The following MYCN variants were observed in gnomAD, a reference collection of about 807,000 sequenced individuals.
The protein encoded by MYCN is N-myc proto-oncogene protein.
A neutral mutation model predicts 28.1 loss-of-function variants in MYCN; 3 were observed. The ratio of observed to expected loss-of-function variants is 0.11; its 90% CI spans 0.05 to 0.28. The LOEUF is 0.28. Among genes scored for constraint, MYCN ranks in the 10% least tolerant of loss-of-function variants. The pLI, the probability that MYCN is intolerant of heterozygous loss-of-function variation, is 1.00. For synonymous variants in MYCN, 326 were observed against 288.3 expected (o/e 1.13, Z -1.32); for missense variants, 572 against 651.4 (o/e 0.88, Z 1.33).
In MYCN at chr2:15,945,265, G is replaced by A. The variant is rs1178189493; in HGVS notation, c.791-228G>A. Reference sequence around the variant, plus strand: ...TCTGCCCGCCTCCGCTTCCCAAAGTGCTGGGATTACAGGTGTGAGTCACCG... The same window carrying A: ...TCTGCCCGCCTCCGCTTCCCAAAGTACTGGGATTACAGGTGTGAGTCACCG... On this transcript the variant is annotated intron_variant, in intron 2 of 2. Transcript: ENST00000281043. This position sits in a 1 kb window ranked among gnomAD's most constrained non-coding sequence, Gnocchi z 4.8. Among the ~76,000 whole-genome samples the A allele has an allele frequency of 6.6e-6, 1 of 152,050 alleles. No homozygotes were observed. The highest frequency in any genetic ancestry group is 6.5e-5 in the Admixed American group (1 of 15,268).
rs574443701 is a variant in MYCN at position 15,945,443 on chromosome 2, A to G, written c.791-50A>G. The G allele has an allele frequency of 6.4e-7, 1 of 1,554,276 alleles. No homozygotes were observed. Among genetic ancestry groups the G allele is most frequent in the Non-Finnish European group, 8.7e-7 (1 of 1,147,818 alleles). On this transcript the variant is annotated intron_variant, in intron 2 of 2. Transcript: ENST00000281043. This position sits in a 1 kb window ranked among gnomAD's most constrained non-coding sequence, Gnocchi z 4.8. ...CATATTAACATGGATATATATGTGA[A>G]TTTCATTCAAATGGTTCTCACATGA...
intron 2 of MYCN, among the ~76,000 whole-genome samples, chr2:15,943,483 T>TGGCCAGCAGGCGGCGATATGCGA (rs998630055): frequency 6.7e-6 from 1 of 150,044 alleles, no homozygotes; most frequent in Non-Finnish European, 1.5e-5. Flanking sequence ...TCCTGGTGCG[T>TGGCCAGCAGGCGGCGATATGCGA]GGCCAGCAGG....
intron 1 of MYCN, chr2:15,940,974 C>T (rs1013398467): frequency 4.4e-5 from 17 of 390,152 alleles, no homozygotes; most frequent in Admixed American, 4.0e-4. Flanking sequence ...CAGCCCTTAC[C>T]GGGGGGAGTA....
intron 2 of MYCN, among the ~76,000 whole-genome samples, 195 bp downstream of exon 2, chr2:15,943,049 GC>G (rs1478656993): frequency 6.6e-6 from 1 of 152,212 alleles, no homozygotes; most frequent in East Asian, 1.9e-4. Context: ...CAAAAGGGGT[GC>G]TCTCCAATTC....
At chr2:15,943,287 G>T (rs1220504769) in intron 2 of MYCN, among the ~76,000 whole-genome samples, 3 of 152,208 alleles carry the variant, frequency 2.0e-5, no homozygotes, top group Non-Finnish European at 2.9e-5. Context: ...CAGGTCAGGG[G>T]AGGGAAAGAC....
chr2:15,943,895 A>T (rs1412262382), intron 2 of MYCN, among the ~76,000 whole-genome samples: 1 of 152,130 alleles, frequency 6.6e-6, no homozygotes, highest in East Asian at 1.9e-4. Flanking sequence ...AAAGAGTGGC[A>T]TTGCCTTGTC....
Position 15,942,737 on chromosome 2 carries a change from A to G in MYCN, c.673A>G (p.Ile225Val), listed in dbSNP as rs1398865274. The G allele has an allele frequency of 1.5e-6, 2 of 1,323,474 alleles. No homozygotes were observed. The highest frequency in any genetic ancestry group is 1.5e-5 in the African/African-American group (1 of 65,476). The allele number at this position is 1,323,474 out of a possible 1,614,324, so 82.0% of individuals were successfully genotyped here. The change falls in exon 2 of 3, where the codon ATT becomes GTT. Residue 225 changes from isoleucine to valine, a missense_variant. Coordinates refer to ENST00000281043, the MANE Select transcript of MYCN (RefSeq NM_005378.6). The surrounding 1 kb of genome is among the most constrained non-coding windows in gnomAD (Gnocchi z 7.0). The stretch of plus-strand genomic sequence containing the variant: ...CCCTGCGGTCGCCTCGGGGGCGGGT[A>G]TTGCCGCCCCAGCCGGGGCCCCGGG... ...AGPAVASGAGIAAPAGAPGVA... is the reference protein window; with the variant it reads ...AGPAVASGAGVAAPAGAPGVA...
chr2:15,943,938 T>C (rs987318398), intron 2 of MYCN, among the ~76,000 whole-genome samples: 19 of 152,166 alleles, frequency 1.2e-4, no homozygotes, highest in Admixed American at 6.5e-5. Flanking sequence ...CCCCTTGGAC[T>C]TTGAAAACCA....
chr2:15,945,622 C>T lies in MYCN; in HGVS notation c.920C>T (p.Ala307Val), dbSNP rs778923558. ...FTITVRPKNA[A>V]LGPGRAQSSE... The stretch of plus-strand genomic sequence containing the variant: ...ATCACTGTGCGTCCCAAGAACGCAG[C>T]CCTGGGTCCCGGGAGGGCTCAGTCC... The change falls in exon 3 of 3, where the codon GCC becomes GTC. Residue 307 changes from alanine to valine, a missense_variant. Transcript: ENST00000281043. This position sits in a 1 kb window ranked among gnomAD's most constrained non-coding sequence, Gnocchi z 4.8. 24 of 1,614,170 alleles carry T rather than the reference C, an allele frequency of 1.5e-5. No homozygotes were observed. In the South Asian group the frequency reaches 2.5e-4, roughly 17 times the overall value.
In MYCN at chr2:15,940,703, C is replaced by A; in HGVS notation, c.-158C>A. ...GCCCCCCCGGCCCACCCGGAGACAC[C>A]CGCGCAGAATCGCCTCCGGATCCCC... is the stretch of plus-strand genomic sequence containing the variant. On this transcript the variant is annotated 5_prime_UTR_variant, in exon 1 of 3. Coordinates refer to ENST00000281043, the MANE Select transcript of MYCN (RefSeq NM_005378.6). 2.5e-6 allele frequency: 1 copy of A among 399,650 alleles called. No individual in the cohort carries two copies. The highest frequency in any genetic ancestry group is 3.6e-5 in the East Asian group (1 of 28,010). 24.8% of individuals were successfully genotyped at this position (399,650 alleles called of 1,614,324 possible).
At chr2:15,944,824 C>CA (rs1415669244) in intron 2 of MYCN, among the ~76,000 whole-genome samples, 1 of 152,140 alleles carries the variant, frequency 6.6e-6, no homozygotes, top group African/African-American at 2.4e-5. Flanking sequence ...CAGGGTCATG[C>CA]AACTAGTCTG....
In MYCN at chr2:15,942,843, T is replaced by C; in HGVS notation, c.779T>C (p.Leu260Pro). The C allele has an allele frequency of 6.3e-7, 1 of 1,583,904 alleles. No individual in the cohort carries two copies. The highest frequency in any genetic ancestry group is 8.5e-7 in the Non-Finnish European group (1 of 1,172,048). Residue 260 changes from leucine (L) to proline (P), a missense_variant, in exon 2 of 3, where the codon CTG becomes CCG. Physicochemically the swap from Leu to Pro is moderately conservative, Grantham distance 98. Around this residue, in one of 3 missense-constraint regions of MYCN, gnomAD observed 499 missense variants for 524.3 expected, o/e 0.95. Transcript: ENST00000281043. The surrounding 1 kb of genome is among the most constrained non-coding windows in gnomAD (Gnocchi z 7.0). ...CTCAGTACCTCCGGAGAGGACACCCTGAGCGATTCAGGTAAAGACCGAACT... is the reference window on the plus strand; with the variant it reads ...CTCAGTACCTCCGGAGAGGACACCCCGAGCGATTCAGGTAAAGACCGAACT... ...KALSTSGEDT[L>P]SDSDDEDDEE...
In MYCN at chr2:15,946,094, C is replaced by T. The variant is rs751904867; in HGVS notation, c.1392C>T (p.Cys464=). 1.2e-6 allele frequency: 2 copies of T among 1,614,022 alleles called. No homozygotes were observed. Among genetic ancestry groups the T allele is most frequent in the African/African-American group, 2.7e-5 (2 of 74,938 alleles). Residue 464 remains cysteine (C), a synonymous_variant, in exon 3 of 3, where the codon TGC becomes TGT. Transcript: ENST00000281043. The part of the protein sequence containing the change: ...LLKKIEHART[C] ...AGAAAATTGAACACGCTCGGACTTG[C>T]TAGACGCTTCTCAAAACTGGACAGT...
chr2:15,945,818 CCGAAA>C lies in MYCN; in HGVS notation c.1118_1122del (p.Arg373LeufsTer2). 6.2e-7 allele frequency: 1 copy of C among 1,614,054 alleles called. No individual in the cohort carries two copies. Among genetic ancestry groups the C allele is most frequent in the Non-Finnish European group, 8.5e-7 (1 of 1,180,048 alleles). Reference sequence around the variant, plus strand: ...CCCCAAAGGCTAAGAGCTTGAGCCCCCGAAACTCTGACTCGGAGGACAGTGAGCGT... The same window carrying C: ...CCCCAAAGGCTAAGAGCTTGAGCCCCCTCTGACTCGGAGGACAGTGAGCGT... On this transcript the variant is annotated frameshift_variant, in exon 3 of 3. Transcript: ENST00000281043. LOFTEE classifies it high-confidence loss of function. The surrounding 1 kb of genome is among the most constrained non-coding windows in gnomAD (Gnocchi z 4.8).
rs559222525 is a variant in MYCN, at chr2:15,946,221, C to G, written c.*124C>G. The G allele has an allele frequency of 7.7e-5, 108 of 1,410,904 alleles. No individual in the cohort carries two copies. In the African/African-American group the frequency reaches 1.4e-3, roughly 18 times the overall value. The allele number at this position is 1,410,904 out of a possible 1,614,324, so 87.4% of individuals were successfully genotyped here. ...AATCGGTCCCCTGTCGAGTTCGGCT[C>G]TGGGTGGGCAGTAGGACCACCAGTG... is the stretch of plus-strand genomic sequence containing the variant. On this transcript the variant is annotated 3_prime_UTR_variant, in exon 3 of 3. Coordinates refer to ENST00000281043, the MANE Select transcript of MYCN (RefSeq NM_005378.6).
chr2:15,942,779 C>G lies in MYCN; in HGVS notation c.715C>G (p.Pro239Ala). 6.8e-7 allele frequency: 1 copy of G among 1,480,406 alleles called. No homozygotes were observed. The highest frequency in any genetic ancestry group is 2.0e-5 in the Admixed American group (1 of 49,380). The allele number at this position is 1,480,406 out of a possible 1,614,324, so 91.7% of individuals were successfully genotyped here. A position where few individuals can be genotyped will look rare whatever the true frequency, so the allele number is the denominator to read the frequency against. The change falls in exon 2 of 3, where the codon CCA becomes GCA. Residue 239 changes from proline (P) to alanine (A), a missense_variant. Coordinates refer to ENST00000281043, the MANE Select transcript of MYCN (RefSeq NM_005378.6). This position sits in a 1 kb window ranked among gnomAD's most constrained non-coding sequence, Gnocchi z 7.0. ...AGAPGVAPPR[P>A]GGRQTSGGDH... ...GGCCCCGGGGGTCGCCCCTCCGCGC[C>G]CAGGCGGCCGCCAGACCAGCGGCGG... is the stretch of plus-strand genomic sequence containing the variant.
rs558288322 is a variant in MYCN at position 15,946,153 on chromosome 2, A to G, written c.*56A>G. The G allele has an allele frequency of 1.2e-6, 2 of 1,606,516 alleles. No homozygotes were observed. Among genetic ancestry groups the G allele is most frequent in the Non-Finnish European group, 1.7e-6 (2 of 1,174,166 alleles). On this transcript the variant is annotated 3_prime_UTR_variant, in exon 3 of 3. Transcript: ENST00000281043. ...CTTTGCACATTTTGATTTTTTTTTT[A>G]AACAAACATTGTGTTGACATTAAGA... is the stretch of plus-strand genomic sequence containing the variant.
intron 2 of MYCN, among the ~76,000 whole-genome samples, chr2:15,943,745 A>T (rs1662785331): frequency 6.6e-6 from 1 of 152,236 alleles, no homozygotes; most frequent in Admixed American, 6.5e-5. Context: ...GCAGGCACTC[A>T]GCAGCCTCTC....
chr2:15,944,992 G>A (rs1662821847), intron 2 of MYCN, among the ~76,000 whole-genome samples: 1 of 129,724 alleles, frequency 7.7e-6, no homozygotes, highest in Non-Finnish European at 1.6e-5. Context: ...ATGTATGTAT[G>A]GGGGGTTGTT....
Sources: allele counts gnomAD v4.1 joint callset (sites outside exome capture counted in the v4.1 genomes callset), GRCh38; gene constraint gnomAD v4.1.1; regional missense constraint gnomAD v4.1.1; non-coding constraint Gnocchi (gnomAD v3.1); transcripts MANE v1.5; gene names NCBI Gene and HGNC (gene_info 2026-07-23, HGNC 2026-07-21).